Variants in SCLT1 observed in about 807,000 individuals in gnomAD.
The protein encoded by SCLT1 is sodium channel and clathrin linker 1, also known as sodium channel-associated protein 1.
SCLT1 carries 78 observed loss-of-function variants against 112.8 expected under a neutral mutation model. The observed-to-expected ratio is 0.69, with a 90% confidence interval of 0.58 to 0.83. The LOEUF is 0.83. Among genes scored for constraint, SCLT1 ranks in the 40% least tolerant of loss-of-function variants. The pLI is 0.00. For missense variants in SCLT1, 747 were observed against 770.4 expected, an observed-to-expected ratio of 0.97 and a Z score of 0.36; for synonymous variants, 257 against 254.7, an observed-to-expected ratio of 1.01 and a Z score of -0.09.
intron 18 of SCLT1, among the ~76,000 whole-genome samples, chr4:128,936,166 G>A (rs1482723254): frequency 6.6e-6 from 1 of 150,978 alleles, no homozygotes; most frequent in African/African-American, 2.4e-5. Flanking sequence ...GTTTACTATA[G>A]TAAATCATAT....
chr4:129,047,742 T>C (rs1202798909), intron 2 of SCLT1, among the ~76,000 whole-genome samples: 1 of 152,158 alleles, frequency 6.6e-6, no homozygotes, highest in African/African-American at 2.4e-5. Context: ...TGATTACTTA[T>C]GTTTAGCATT....
rs1752003216 is a variant in SCLT1 at position 129,082,229 on chromosome 4, G to C, written c.102+77C>G. On this transcript the variant is annotated intron_variant, in intron 2 of 20. Coordinates refer to ENST00000281142, the MANE Select transcript of SCLT1 (RefSeq NM_144643.4). ...AAGCTTTCCCATTACAGGAATCAAA[G>C]TTGTAAGCCAAGTTTCAAAGTGCTG... is the stretch of plus-strand genomic sequence containing the variant. 8 of 595,640 alleles carry C rather than the reference G, an allele frequency of 1.3e-5. No homozygotes were observed. In the African/African-American group the frequency reaches 1.5e-4, roughly 11 times the overall value. 36.9% of individuals were successfully genotyped at this position (595,640 alleles called of 1,614,324 possible).
intron 5 of SCLT1, among the ~76,000 whole-genome samples, chr4:129,031,145 A>G (rs557044195): frequency 5.3e-5 from 8 of 152,288 alleles, no homozygotes; most frequent in African/African-American, 1.9e-4. Flanking sequence ...CTAGGATACA[A>G]GGCTGGTTCA....
intron 2 of SCLT1, among the ~76,000 whole-genome samples, chr4:129,058,890 T>A (rs978263790): frequency 2.6e-5 from 4 of 152,106 alleles, no homozygotes; most frequent in African/African-American, 9.7e-5. Context: ...ATCACAGGAC[T>A]CCCTTTATCT....
intron 2 of SCLT1, among the ~76,000 whole-genome samples, chr4:129,056,065 G>A (rs139242107): frequency 4.6e-5 from 7 of 152,262 alleles, no homozygotes; most frequent in East Asian, 3.9e-4. Context: ...TGCACTTCAC[G>A]GGTGAGGTGA....
At chr4:128,956,607 G>GA (rs772004095) in intron 13 of SCLT1, among the ~76,000 whole-genome samples, 5 of 152,060 alleles carry the variant, frequency 3.3e-5, no homozygotes, top group Non-Finnish European at 7.4e-5. Context: ...GTTGTACAGT[G>GA]GCTTTATGGA....
At chr4:128,892,897 AAT>A (rs959190620) in intron 18 of SCLT1, among the ~76,000 whole-genome samples, 1 of 152,174 alleles carries the variant, frequency 6.6e-6, no homozygotes, top group African/African-American at 2.4e-5. Context: ...AAATAGAATA[AAT>A]TATTATGCTT....
intron 18 of SCLT1, among the ~76,000 whole-genome samples, chr4:128,892,381 T>C (rs1334155464): frequency 6.6e-6 from 1 of 152,244 alleles, no homozygotes; most frequent in African/African-American, 2.4e-5. Context: ...TTCTGTATCA[T>C]TATTTCCAAG....
At chr4:128,913,294 C>T (rs796426445) in intron 18 of SCLT1, among the ~76,000 whole-genome samples, 7 of 152,252 alleles carry the variant, frequency 4.6e-5, no homozygotes, top group African/African-American at 1.7e-4. Context: ...GCATTACAGC[C>T]AAGTTGACAG....
intron 18 of SCLT1, among the ~76,000 whole-genome samples, chr4:128,905,127 C>A (rs1374545141): frequency 6.6e-6 from 1 of 152,144 alleles, no homozygotes; most frequent in Non-Finnish European, 1.5e-5. Context: ...CAAATGTAAC[C>A]TGTCCAAAAT....
At chr4:129,069,877 G>C (rs1319921633) in intron 2 of SCLT1, among the ~76,000 whole-genome samples, 1 of 152,062 alleles carries the variant, frequency 6.6e-6, no homozygotes, top group East Asian at 1.9e-4. Flanking sequence ...TTCAGTATTA[G>C]TTGGCTGTGG....
intron 2 of SCLT1, among the ~76,000 whole-genome samples, chr4:129,058,935 T>C (rs532517590): frequency 1.2e-3 from 179 of 152,238 alleles, no homozygotes; most frequent in African/African-American, 4.2e-3. Context: ...GTGTTGGGTG[T>C]ATATATATTT....
chr4:129,079,690 G>A (rs1458462077), intron 2 of SCLT1, among the ~76,000 whole-genome samples: 1 of 152,232 alleles, frequency 6.6e-6, no homozygotes, highest in African/African-American at 2.4e-5. Flanking sequence ...TTGGTCCGGA[G>A]GATGGTAGCT....
intron 5 of SCLT1, chr4:129,037,065 C>T (rs1747241441): frequency 6.6e-6 from 1 of 151,308 alleles, no homozygotes; most frequent in Non-Finnish European, 1.5e-5. Context: ...AAGAGAAGAT[C>T]TCTATGACAT....
chr4:128,882,581 C>T (rs576794882), downstream of SCLT1, among the ~76,000 whole-genome samples: 51 of 152,194 alleles, frequency 3.4e-4, no homozygotes, highest in African/African-American at 1.1e-3. Flanking sequence ...TTATTGAATA[C>T]CCTCCAAGTG....
intron 4 of SCLT1, among the ~76,000 whole-genome samples, chr4:129,041,101 A>T (rs1410448437): frequency 6.6e-6 from 1 of 152,242 alleles, no homozygotes; most frequent in East Asian, 1.9e-4. Context: ...ATAATATGTT[A>T]TTACAGGAAT....
chr4:129,061,193 T>C (rs1185949279), intron 2 of SCLT1, among the ~76,000 whole-genome samples: 2 of 152,280 alleles, frequency 1.3e-5, no homozygotes, highest in African/African-American at 2.4e-5. Flanking sequence ...TGGTAAGGCT[T>C]ATCTGTATCT....
chr4:129,014,293 G>T (rs1744802445), intron 5 of SCLT1, among the ~76,000 whole-genome samples: 1 of 152,014 alleles, frequency 6.6e-6, no homozygotes, highest in South Asian at 2.1e-4. Context: ...TGCATATTCT[G>T]ATTTCTATTT....
In SCLT1 at chr4:129,051,867, A is replaced by G. The variant is rs150377451; in HGVS notation, c.103-7816T>C. Among the ~76,000 whole-genome samples the G allele has an allele frequency of 1.6e-3, 248 of 152,250 alleles. 2 individuals carry two copies. Among genetic ancestry groups the G allele is most frequent in the East Asian group, 0.014 (70 of 5,174 alleles). On this transcript the variant is annotated intron_variant, in intron 2 of 20. Coordinates refer to ENST00000281142, the MANE Select transcript of SCLT1 (RefSeq NM_144643.4). ...GTATGACGTTGGCTGTGGGTTTGTC[A>G]TAAATAGCTCCTATTGTTTTGAGAT...
Sources: allele counts gnomAD v4.1 joint callset (sites outside exome capture counted in the v4.1 genomes callset), GRCh38; gene constraint gnomAD v4.1.1; transcripts MANE v1.5; gene names NCBI Gene and HGNC (gene_info 2026-07-23, HGNC 2026-07-21).